The following ARMH1 variants were observed in gnomAD, a reference collection of about 807,000 sequenced individuals.
ARMH1 encodes armadillo-like helical domain containing protein 1.
In ARMH1, 34 loss-of-function variants were observed where a neutral mutation model predicts 50.2. That is an observed-to-expected ratio of 0.68 (90% CI 0.51 to 0.90). The LOEUF (loss-of-function observed/expected upper bound fraction) is 0.90. Ranked by LOEUF, ARMH1 falls within the 40% of genes least tolerant of loss-of-function variation. ARMH1 has a pLI of 0.00. For synonymous variants in ARMH1, 221 were observed against 224.2 expected, an observed-to-expected ratio of 0.99 and a Z score of 0.13; for missense variants, 538 against 553.9, an observed-to-expected ratio of 0.97 and a Z score of 0.29.
intron 1 of ARMH1, among the ~76,000 whole-genome samples, chr1:44,680,199 T>C (rs1272837207): frequency 6.6e-6 from 1 of 151,780 alleles, no homozygotes; most frequent in East Asian, 1.9e-4. Flanking sequence ...TTGTTTGTTG[T>C]TTTGAGACAC....
chr1:44,710,901 A>G (rs978146917), intron 6 of ARMH1, among the ~76,000 whole-genome samples: 4 of 152,160 alleles, frequency 2.6e-5, no homozygotes, highest in South Asian at 2.1e-4. Context: ...TTCTGTCTCT[A>G]TGGATTTACC....
intron 6 of ARMH1, among the ~76,000 whole-genome samples, chr1:44,714,837 A>G (rs971439360): frequency 6.6e-6 from 1 of 151,332 alleles, no homozygotes; most frequent in Admixed American, 6.6e-5. Flanking sequence ...CTTTTTAGAG[A>G]TGGGATCTCA....
At chr1:44,710,258 T>A (rs1351854930) in intron 6 of ARMH1, among the ~76,000 whole-genome samples, 1 of 152,136 alleles carries the variant, frequency 6.6e-6, no homozygotes. Context: ...CCTTCGGTTC[T>A]TGGCTGTGTA....
rs116340104 is a variant in ARMH1 at position 44,712,209 on chromosome 1, A to C, written c.724+8036A>C. On this transcript the variant is annotated intron_variant, in intron 6 of 11. Transcript: ENST00000535358. ...CGCAGGGGCTCTCACCTGTAATCCC[A>C]GAACTTTGGGAATCCAAGGCGGGCG... Among the ~76,000 whole-genome samples, 491 of 152,344 alleles carry C rather than the reference A, an allele frequency of 3.2e-3. 1 individual carries two copies. The highest frequency in any genetic ancestry group is 0.011 in the African/African-American group (448 of 41,576).
At chr1:44,712,991 C>T (rs1573449351) in intron 6 of ARMH1, among the ~76,000 whole-genome samples, 1 of 150,688 alleles carries the variant, frequency 6.6e-6, no homozygotes, top group East Asian at 2.0e-4. Flanking sequence ...AGTGTTTTTG[C>T]CTTACAGAAC....
chr1:44,696,270 C>G (rs1335048921), intron 2 of ARMH1, among the ~76,000 whole-genome samples: 1 of 152,226 alleles, frequency 6.6e-6, no homozygotes, highest in Non-Finnish European at 1.5e-5. Flanking sequence ...AGATAATTTG[C>G]TTCACACACC....
intron 6 of ARMH1, among the ~76,000 whole-genome samples, chr1:44,715,081 C>T (rs984975299): frequency 2.6e-5 from 4 of 152,090 alleles, no homozygotes; most frequent in African/African-American, 9.7e-5. Flanking sequence ...ATGCTAAACA[C>T]GTTCATGCTA....
chr1:44,721,879 C>G (rs539202777), intron 6 of ARMH1: 9 of 152,250 alleles, frequency 5.9e-5, no homozygotes, highest in East Asian at 1.9e-4. Flanking sequence ...AAGATTTATT[C>G]GTTATGAAGA....
intron 2 of ARMH1, among the ~76,000 whole-genome samples, chr1:44,696,728 C>CAA (rs372552441): frequency 0.014 from 2,083 of 152,246 alleles, 21 homozygotes; most frequent in Non-Finnish European, 0.021. Context: ...GAATGAGGCA[C>CAA]AAAGTCATGA....
chr1:44,704,294 A>C, intron 6 of ARMH1, 121 bp downstream of exon 6: 1 of 752,140 alleles, frequency 1.3e-6, no homozygotes. Flanking sequence ...TGGCAGATGG[A>C]AGATGCTGGT....
At chr1:44,721,545 C>T (rs1218011949) in intron 6 of ARMH1, among the ~76,000 whole-genome samples, 2 of 151,970 alleles carry the variant, frequency 1.3e-5, no homozygotes, top group Non-Finnish European at 2.9e-5. Context: ...ATTTAGCTTC[C>T]TAAATGTTTA....
chr1:44,696,639 T>C (rs1317463803), intron 2 of ARMH1, among the ~76,000 whole-genome samples: 2 of 152,244 alleles, frequency 1.3e-5, no homozygotes, highest in Non-Finnish European at 2.9e-5. Context: ...ATAAGGATAG[T>C]GACCTCCAGT....
At chr1:44,721,716 T>A (rs189831177) in intron 6 of ARMH1, 1 of 152,108 alleles carries the variant, frequency 6.6e-6, no homozygotes, top group Non-Finnish European at 1.5e-5. Flanking sequence ...GTGACATTTG[T>A]GGAGCTACCC....
intron 6 of ARMH1, among the ~76,000 whole-genome samples, chr1:44,717,249 T>C (rs1477186321): frequency 6.6e-6 from 1 of 152,234 alleles, no homozygotes. Flanking sequence ...AAATGCCTGC[T>C]GTATCGGGTT....
intron 6 of ARMH1, among the ~76,000 whole-genome samples, chr1:44,720,440 G>A (rs1647052014): frequency 6.6e-6 from 1 of 152,136 alleles, no homozygotes; most frequent in Admixed American, 6.6e-5. Flanking sequence ...AATCCAATGA[G>A]GTCTTTTCAA....
intron 6 of ARMH1, among the ~76,000 whole-genome samples, chr1:44,711,988 A>C (rs1646631815): frequency 6.6e-6 from 1 of 152,236 alleles, no homozygotes; most frequent in African/African-American, 2.4e-5. Flanking sequence ...CTGTAGATCA[A>C]ACCCAGTCAG....
chr1:44,685,507 C>A (rs1207463965), intron 1 of ARMH1, among the ~76,000 whole-genome samples: 1 of 151,916 alleles, frequency 6.6e-6, no homozygotes, highest in Non-Finnish European at 1.5e-5. Context: ...ATGGAGGTCT[C>A]ACTGTGTTGC....
intron 4 of ARMH1, among the ~76,000 whole-genome samples, chr1:44,700,174 A>C (rs999866988): frequency 3.3e-5 from 5 of 151,978 alleles, no homozygotes; most frequent in African/African-American, 1.2e-4. Context: ...CATTCTCATC[A>C]AGGTTCTCCT....
chr1:44,702,950 C>T (rs115068194), intron 5 of ARMH1, among the ~76,000 whole-genome samples: 1 of 152,020 alleles, frequency 6.6e-6, no homozygotes, highest in African/African-American at 2.4e-5. Flanking sequence ...AGCAGCCCAT[C>T]AAAGGATGAA....
Sources: gnomAD v4.1 joint callset for allele counts (sites outside exome capture counted in the v4.1 genomes callset) on GRCh38, gnomAD v4.1.1 for gene constraint, MANE v1.5 for transcripts, NCBI Gene and HGNC (gene_info 2026-07-23, HGNC 2026-07-21) for gene names.